The following DNAJC8 variants were observed in gnomAD, a reference collection of about 807,000 sequenced individuals.
DNAJC8 encodes DnaJ heat shock protein family (Hsp40) member C8.
In DNAJC8, 24 loss-of-function variants were observed where a neutral mutation model predicts 43.2. The ratio of observed to expected loss-of-function variants is 0.56; its 90% confidence interval spans 0.40 to 0.78. DNAJC8 has a LOEUF of 0.78. DNAJC8 is among the 30% of genes least tolerant of loss of function. The pLI, the probability that DNAJC8 is intolerant of heterozygous loss-of-function variation, is 0.00. For synonymous variants in DNAJC8, 83 were observed against 98.0 expected (o/e 0.85, Z 0.90); for missense variants, 207 against 299.4 (o/e 0.69, Z 2.28).
chr1:28,232,882 C>G lies in DNAJC8; in HGVS notation c.78+39G>C, dbSNP rs367617170. 5.3e-5 allele frequency: 85 copies of G among 1,600,458 alleles called. 1 individual carries two copies. In the Middle Eastern group the frequency reaches 9.9e-4, roughly 19 times the overall value. On this transcript the variant is annotated intron_variant, in intron 1 of 8. Coordinates refer to ENST00000263697, the MANE Select transcript of DNAJC8 (RefSeq NM_014280.3). ...TCCACTGGGAAAGCAGATCCGGGAG[C>G]GGTCGCCCCGGTGCCACTACTCCTC...
intron 8 of DNAJC8, among the ~76,000 whole-genome samples, chr1:28,202,021 C>T (rs946838577): frequency 5.3e-5 from 8 of 151,760 alleles, no homozygotes; most frequent in Non-Finnish European, 8.8e-5. Flanking sequence ...ACCTGGGAGG[C>T]GGAGGTCGCA....
intron 2 of DNAJC8, among the ~76,000 whole-genome samples, chr1:28,219,656 CT>C (rs961038868): frequency 3.0e-4 from 45 of 152,168 alleles, no homozygotes; most frequent in African/African-American, 1.0e-3. Flanking sequence ...TTATTAGAGG[CT>C]TTTTTTGTGA....
chr1:28,208,485 C>T, intron 5 of DNAJC8, 72 bp from the exon 6 acceptor site: 1 of 995,148 alleles, frequency 1.0e-6, no homozygotes, highest in Non-Finnish European at 1.4e-6. Context: ...TGTACACATA[C>T]AATATATTTA....
At chr1:28,206,239 G>A (rs1646767631) in intron 6 of DNAJC8, among the ~76,000 whole-genome samples, 1 of 152,016 alleles carries the variant, frequency 6.6e-6, no homozygotes, top group East Asian at 1.9e-4. Flanking sequence ...GATAGGAACA[G>A]AAGCTATTAT....
In DNAJC8 at chr1:28,201,384, A is replaced by G. The variant is rs1646732413; in HGVS notation, c.640-14T>C. 22 of 1,613,590 alleles carry G rather than the reference A, an allele frequency of 1.4e-5. No homozygotes were observed. The highest frequency in any genetic ancestry group is 1.7e-5 in the Non-Finnish European group (20 of 1,179,988). ...ATCTCGACTTTCCTAAGTACAAAAG[A>G]AGTTTGAGGTGAGGAGACCAGTCAA... On this transcript the variant is annotated splice_polypyrimidine_tract_variant and intron_variant, in intron 8 of 8. Coordinates refer to ENST00000263697, the MANE Select transcript of DNAJC8 (RefSeq NM_014280.3).
intron 1 of DNAJC8, among the ~76,000 whole-genome samples, chr1:28,231,748 A>G (rs951068364): frequency 4.0e-5 from 6 of 151,494 alleles, no homozygotes; most frequent in Non-Finnish European, 8.8e-5. Flanking sequence ...ATCCCAGTCC[A>G]GTCAGGTTAA....
chr1:28,203,675 G>T, intron 8 of DNAJC8, 72 bp downstream of exon 8: 2 of 1,460,492 alleles, frequency 1.4e-6, no homozygotes, highest in Non-Finnish European at 1.9e-6. Context: ...GCCCCACTCA[G>T]TCCTGGGAGC....
chr1:28,228,855 G>A (rs1445630753), intron 2 of DNAJC8, 67 bp downstream of exon 2: 5 of 1,281,126 alleles, frequency 3.9e-6, no homozygotes, highest in Non-Finnish European at 5.6e-6. Flanking sequence ...GTATTCTGAT[G>A]TAGGTATGCC....
At chr1:28,217,542 G>A (rs986807753) in intron 2 of DNAJC8, among the ~76,000 whole-genome samples, 4 of 152,066 alleles carry the variant, frequency 2.6e-5, no homozygotes, top group Admixed American at 1.3e-4. Context: ...AACTTCCCAA[G>A]GAGAAAGGAA....
chr1:28,211,798 G>T (rs1646811992), intron 3 of DNAJC8, among the ~76,000 whole-genome samples: 1 of 152,052 alleles, frequency 6.6e-6, no homozygotes, highest in South Asian at 2.1e-4. Context: ...GAAGTATTTA[G>T]GGGTAAAGCA....
chr1:28,232,870 C>T, intron 1 of DNAJC8, 51 bp downstream of exon 1: 1 of 1,592,748 alleles, frequency 6.3e-7, no homozygotes, highest in Non-Finnish European at 8.6e-7. Context: ...ACTGGGAAAG[C>T]AGATCCGGGA....
At chr1:28,216,808 C>CT (rs1178044559) in intron 2 of DNAJC8, among the ~76,000 whole-genome samples, 2,887 of 131,062 alleles carry the variant, frequency 0.022, 51 homozygotes, top group Middle Eastern at 0.032. Flanking sequence ...GGGGCGATTT[C>CT]TTTTTTTTTT....
At chr1:28,203,156 T>A (rs1254901642) in intron 8 of DNAJC8, among the ~76,000 whole-genome samples, 1 of 152,098 alleles carries the variant, frequency 6.6e-6, no homozygotes, top group Non-Finnish European at 1.5e-5. Context: ...ATACATGAAG[T>A]GCAACAGAAA....
rs566801330 is a variant in DNAJC8 at position 28,227,507 on chromosome 1, G to A, written c.180+1415C>T. ...TATGGGAGCCCAAGGTGGGCAAATC[G>A]TTTGAACCCAGGAGTTCAAGGGTGC... On this transcript the variant is annotated intron_variant, in intron 2 of 8. Coordinates refer to ENST00000263697, the MANE Select transcript of DNAJC8 (RefSeq NM_014280.3). Among the ~76,000 whole-genome samples the A allele has an allele frequency of 5.0e-4, 72 of 143,018 alleles. 4 individuals are homozygous for A. The South Asian group carries it at 0.015, about 29-fold the overall frequency. The allele number at this position is 143,018 out of a possible 152,430, so 93.8% of individuals were successfully genotyped here.
At chr1:28,222,303 T>C (rs1646903951) in intron 2 of DNAJC8, among the ~76,000 whole-genome samples, 1 of 151,834 alleles carries the variant, frequency 6.6e-6, no homozygotes, top group Non-Finnish European at 1.5e-5. Context: ...CTGACTAACA[T>C]GGTGAAACCC....
intron 2 of DNAJC8, among the ~76,000 whole-genome samples, chr1:28,223,218 G>A (rs183428882): frequency 2.2e-4 from 33 of 152,286 alleles, no homozygotes; most frequent in East Asian, 9.6e-4. Context: ...GCCAGACCCC[G>A]AGTAAGAGGA....
At chr1:28,215,540 A>T (rs1646846020) in intron 2 of DNAJC8, among the ~76,000 whole-genome samples, 1 of 143,554 alleles carries the variant, frequency 7.0e-6, no homozygotes, top group Non-Finnish European at 1.5e-5. Context: ...GAACAACTCT[A>T]TTTTTTTTTT....
intron 3 of DNAJC8, among the ~76,000 whole-genome samples, chr1:28,213,292 A>T (rs1011738556): frequency 1.6e-4 from 24 of 152,162 alleles, no homozygotes; most frequent in Non-Finnish European, 1.5e-4. Context: ...TTGACTATGA[A>T]CTTAAATGCT....
intron 5 of DNAJC8, 60 bp downstream of exon 5, chr1:28,209,912 A>G (rs1646799101): frequency 1.3e-6 from 2 of 1,492,260 alleles, no homozygotes. Flanking sequence ...GTACCCTTCT[A>G]CAAGGTGCCC....
Sources: allele counts gnomAD v4.1 joint callset (sites outside exome capture counted in the v4.1 genomes callset), GRCh38; gene constraint gnomAD v4.1.1; transcripts MANE v1.5; gene names NCBI Gene and HGNC (gene_info 2026-07-23, HGNC 2026-07-21).